Variants in CXCL13 observed in about 807,000 individuals in gnomAD.
CXCL13 encodes C-X-C motif chemokine ligand 13.
Under a neutral mutation model 12.2 loss-of-function variants are expected in CXCL13, and 7 were observed. The observed-to-expected ratio is 0.57, with a 90% confidence interval of 0.33 to 1.07. The LOEUF (loss-of-function observed/expected upper bound fraction) is 1.07, where lower values mean the gene tolerates loss of function less well. Among genes scored for constraint, CXCL13 ranks in the 50% least tolerant of loss-of-function variants. CXCL13 has a pLI of 0.04. For missense variants in CXCL13, 113 were observed against 127.4 expected, an observed-to-expected ratio of 0.89 and a Z score of 0.55; for synonymous variants, 47 against 42.4, an observed-to-expected ratio of 1.11 and a Z score of -0.42.
intron 1 of CXCL13, among the ~76,000 whole-genome samples, chr4:77,521,202 G>A (rs183902910): frequency 6.6e-6 from 1 of 152,304 alleles, no homozygotes; most frequent in Middle Eastern, 3.4e-3. Context: ...TCTCTGCCAG[G>A]CTTTGGTATC....
intron 1 of CXCL13, among the ~76,000 whole-genome samples, chr4:77,545,072 C>T (rs1374786064): frequency 2.0e-5 from 3 of 151,956 alleles, no homozygotes; most frequent in East Asian, 3.9e-4. Flanking sequence ...TGTGGTATTA[C>T]TTCTGAGGGC....
At chr4:77,578,895 TG>T (rs1726252522) in intron 1 of CXCL13, among the ~76,000 whole-genome samples, 1 of 152,352 alleles carries the variant, frequency 6.6e-6, no homozygotes, top group Non-Finnish European at 1.5e-5. Context: ...CAACCTCTCC[TG>T]CAACTGAATA....
At chr4:77,529,005 A>T (rs903456895) in intron 1 of CXCL13, among the ~76,000 whole-genome samples, 1 of 152,202 alleles carries the variant, frequency 6.6e-6, no homozygotes, top group African/African-American at 2.4e-5. Context: ...ATGGCTAGCC[A>T]GTTTTCCCAG....
chr4:77,531,839 G>C (rs1277995175), intron 1 of CXCL13, among the ~76,000 whole-genome samples: 3 of 152,144 alleles, frequency 2.0e-5, no homozygotes, highest in Non-Finnish European at 2.9e-5. Context: ...TTGGTTTAAA[G>C]TCTGTTTTAC....
intron 1 of CXCL13, among the ~76,000 whole-genome samples, chr4:77,582,410 C>CT (rs1726360918): frequency 6.6e-6 from 1 of 152,198 alleles, no homozygotes. Context: ...GCAGTGGGAT[C>CT]AGGGGAGACA....
At chr4:77,519,589 A>C (rs1724523898) in intron 1 of CXCL13, among the ~76,000 whole-genome samples, 2 of 151,930 alleles carry the variant, frequency 1.3e-5, no homozygotes, top group South Asian at 4.2e-4. Flanking sequence ...AATTTGTTTG[A>C]GTTCTTTGTA....
intron 1 of CXCL13, among the ~76,000 whole-genome samples, chr4:77,547,834 T>C (rs1465185184): frequency 6.6e-6 from 1 of 152,198 alleles, no homozygotes; most frequent in African/African-American, 2.4e-5. Flanking sequence ...GCATTGATGG[T>C]CTTTACAATT....
intron 1 of CXCL13, among the ~76,000 whole-genome samples, chr4:77,533,611 G>T (rs1470273893): frequency 6.6e-6 from 1 of 152,156 alleles, no homozygotes; most frequent in Non-Finnish European, 1.5e-5. Context: ...CCTTTTGTTT[G>T]GCTGTGCCCT....
intron 1 of CXCL13, among the ~76,000 whole-genome samples, chr4:77,598,104 G>A (rs952291613): frequency 3.3e-5 from 5 of 152,316 alleles, no homozygotes; most frequent in Admixed American, 1.3e-4. Flanking sequence ...TGGACACTGC[G>A]GGAGATGACC....
At chr4:77,531,947 C>T (rs1057428528) in intron 1 of CXCL13, among the ~76,000 whole-genome samples, 1 of 152,078 alleles carries the variant, frequency 6.6e-6, no homozygotes, top group Admixed American at 6.6e-5. Flanking sequence ...GTCTCTGGTA[C>T]GTGAGATGGG....
intron 1 of CXCL13, among the ~76,000 whole-genome samples, chr4:77,535,144 G>A (rs1725029398): frequency 6.6e-6 from 1 of 152,190 alleles, no homozygotes; most frequent in Non-Finnish European, 1.5e-5. Context: ...ATTTGATCAA[G>A]TTAATAGTTT....
chr4:77,544,664 A>C (rs1322187834), intron 1 of CXCL13, among the ~76,000 whole-genome samples: 1 of 152,194 alleles, frequency 6.6e-6, no homozygotes, highest in East Asian at 1.9e-4. Flanking sequence ...TCAGATGGGT[A>C]GATTGCAAAA....
chr4:77,517,875 G>A (rs184564359), intron 1 of CXCL13, among the ~76,000 whole-genome samples: 17 of 152,278 alleles, frequency 1.1e-4, no homozygotes, highest in Admixed American at 6.5e-4. Flanking sequence ...TATTTTGCTC[G>A]TCAGTTGATG....
intron 1 of CXCL13, among the ~76,000 whole-genome samples, chr4:77,574,103 G>A (rs145039996): frequency 9.2e-5 from 14 of 152,056 alleles, no homozygotes; most frequent in East Asian, 7.7e-4. Context: ...TTTAAGAGGC[G>A]TATGGTTAAA....
chr4:77,562,095 T>A lies in CXCL13; in HGVS notation c.-42-43729T>A, dbSNP rs529741703. The stretch of plus-strand genomic sequence containing the variant: ...GCTCGAATTCTCGCGGGGCCTCAGC[T>A]GCCTCCCTGTGGGGAAGGCCTCAGG... On this transcript the variant is annotated intron_variant, in intron 1 of 4. Transcript: ENST00000286758. Among the ~76,000 whole-genome samples, 15 of 152,198 alleles carry A rather than the reference T, an allele frequency of 9.9e-5. No individual in the cohort carries two copies. In the South Asian group the frequency reaches 3.1e-3, roughly 32 times the overall value.
At chr4:77,539,976 G>C (rs1027955027) in intron 1 of CXCL13, among the ~76,000 whole-genome samples, 17 of 152,056 alleles carry the variant, frequency 1.1e-4, no homozygotes, top group Admixed American at 3.3e-4. Flanking sequence ...CTTGACCATT[G>C]GGTCAGAAGG....
intron 1 of CXCL13, among the ~76,000 whole-genome samples, chr4:77,540,648 A>G (rs889959251): frequency 1.3e-5 from 2 of 151,922 alleles, no homozygotes; most frequent in South Asian, 2.1e-4. Flanking sequence ...TATATACCAT[A>G]TTTTCTTCAT....
At chr4:77,517,016 TCG>T (rs1254149434) in intron 1 of CXCL13, among the ~76,000 whole-genome samples, 2 of 152,238 alleles carry the variant, frequency 1.3e-5, no homozygotes, top group Non-Finnish European at 2.9e-5. Flanking sequence ...GTCTTTGTTC[TCG>T]TTGGTTTCAA....
chr4:77,571,059 C>T lies in CXCL13; in HGVS notation c.-42-34765C>T, dbSNP rs532371838. ...GCCTGAGGAGTGTGAGCGCATGGCG[C>T]GGGACTGGCAGGCAGCTCCATCTGC... On this transcript the variant is annotated intron_variant, in intron 1 of 4. Coordinates refer to the CXCL13 transcript ENST00000286758. 4.5e-4 allele frequency among the ~76,000 whole-genome samples: 68 copies of T among 152,120 alleles called. 1 individual carries two copies. The highest frequency in any genetic ancestry group is 3.4e-3 in the Middle Eastern group (1 of 294).
Sources: allele counts gnomAD v4.1 joint callset (sites outside exome capture counted in the v4.1 genomes callset), GRCh38; gene constraint gnomAD v4.1.1; transcripts MANE v1.5; gene names NCBI Gene and HGNC (gene_info 2026-07-23, HGNC 2026-07-21).